Variants in MITF observed in about 807,000 individuals in gnomAD.
MITF encodes the protein melanocyte inducing transcription factor, also known as microphthalmia-associated transcription factor.
In MITF, 17 loss-of-function variants were observed where a neutral mutation model predicts 60.5. That is an observed-to-expected ratio of 0.28 (90% CI 0.19 to 0.42). The LOEUF is 0.42. Ranked by LOEUF, MITF falls within the 10% of genes least tolerant of loss-of-function variation. The pLI is 1.00. For missense variants in MITF, 622 were observed against 683.5 expected (o/e 0.91, Z 1.00); for synonymous variants, 260 against 248.5 (o/e 1.05, Z -0.43).
intron 1 of MITF, among the ~76,000 whole-genome samples, chr3:69,791,499 A>T (rs1334490487): frequency 6.6e-6 from 1 of 152,192 alleles, no homozygotes; most frequent in Non-Finnish European, 1.5e-5. Flanking sequence ...GCAATTCTTT[A>T]TGTGCAAGTT....
At chr3:69,860,162 A>G (rs896676238) in intron 1 of MITF, among the ~76,000 whole-genome samples, 4 of 152,236 alleles carry the variant, frequency 2.6e-5, no homozygotes, top group Admixed American at 6.5e-5. Context: ...AAGCCTCTAC[A>G]TAACCTTTAA....
rs548660595 is a variant in MITF, at chr3:69,780,384, C to T, written c.104+40683C>T. Among the ~76,000 whole-genome samples the T allele has an allele frequency of 2.0e-5, 3 of 152,244 alleles. No individual in the cohort carries two copies. In the South Asian group the frequency reaches 6.2e-4, roughly 32 times the overall value. ...TATAAAATTACAAAGAAGATGCATG[C>T]CAATGAGCAGTCATCTGTGAGCTAG... On this transcript the variant is annotated intron_variant, in intron 1 of 9. Coordinates refer to ENST00000352241, the MANE Select transcript of MITF (RefSeq NM_001354604.2).
chr3:69,749,931 T>C (rs1703865929), intron 1 of MITF, among the ~76,000 whole-genome samples: 1 of 152,186 alleles, frequency 6.6e-6, no homozygotes, highest in African/African-American at 2.4e-5. Flanking sequence ...TGGAAGGTAA[T>C]TCTAACAATA....
chr3:69,819,589 A>T (rs955898552), intron 1 of MITF, among the ~76,000 whole-genome samples: 14 of 151,930 alleles, frequency 9.2e-5, no homozygotes, highest in African/African-American at 2.9e-4. Context: ...TTGCAACTAG[A>T]ACTTTCTGGG....
At chr3:69,931,709 T>C (rs1452153608) in intron 2 of MITF, among the ~76,000 whole-genome samples, 1 of 152,200 alleles carries the variant, frequency 6.6e-6, no homozygotes, top group Non-Finnish European at 1.5e-5. Context: ...TATAAATGTA[T>C]ATATATTTAT....
intron 1 of MITF, among the ~76,000 whole-genome samples, chr3:69,859,135 C>A (rs758728159): frequency 6.6e-6 from 1 of 152,140 alleles, no homozygotes; most frequent in Non-Finnish European, 1.5e-5. Context: ...ACCACACTAT[C>A]CTGTCTCCAG....
intron 2 of MITF, among the ~76,000 whole-genome samples, chr3:69,907,123 C>A (rs998905050): frequency 6.6e-6 from 1 of 152,144 alleles, no homozygotes; most frequent in Non-Finnish European, 1.5e-5. Flanking sequence ...CCCTTTCCCT[C>A]CATAATCTTG....
At position 69,885,377 on chromosome 3, in the gene MITF, C is replaced by T. The variant is rs185726386; in HGVS notation, c.354+5994C>T. Among the ~76,000 whole-genome samples, 5 of 152,082 alleles carry T rather than the reference C, an allele frequency of 3.3e-5. No individual in the cohort carries two copies. In the East Asian group the frequency reaches 9.7e-4, roughly 30 times the overall value. On this transcript the variant is annotated intron_variant, in intron 2 of 9. Transcript: ENST00000352241. The stretch of plus-strand genomic sequence containing the variant: ...CACAGTTCTCATAATTCCATACTGC[C>T]AGAGGTGAAGGCAGTATCATAAGGA...
At chr3:69,809,648 G>A (rs2063069538) in intron 1 of MITF, among the ~76,000 whole-genome samples, 1 of 146,242 alleles carries the variant, frequency 6.8e-6, no homozygotes. Flanking sequence ...TTTTTTGGCA[G>A]AAGACTTGCT....
intron 1 of MITF, among the ~76,000 whole-genome samples, chr3:69,831,893 G>C (rs1315674521): frequency 6.6e-6 from 1 of 152,164 alleles, no homozygotes; most frequent in Non-Finnish European, 1.5e-5. Context: ...ACCAGTGGTG[G>C]AACGGTGCCC....
intron 1 of MITF, among the ~76,000 whole-genome samples, chr3:69,803,620 A>AT (rs2062957433): frequency 6.6e-6 from 1 of 152,208 alleles, no homozygotes; most frequent in Non-Finnish European, 1.5e-5. Context: ...AGTAAATCTA[A>AT]TTTTTTAAAA....
chr3:69,950,008 G>T (rs1311091785), intron 6 of MITF, among the ~76,000 whole-genome samples: 2 of 152,028 alleles, frequency 1.3e-5, no homozygotes, highest in Non-Finnish European at 2.9e-5. Flanking sequence ...GCAGGAGAAA[G>T]ATGTTTTTTA....
chr3:69,858,121 T>C (rs1390791563), intron 1 of MITF, among the ~76,000 whole-genome samples: 2 of 152,120 alleles, frequency 1.3e-5, no homozygotes, highest in African/African-American at 2.4e-5. Flanking sequence ...TTCATGGTAA[T>C]ATTCATTGGA....
chr3:69,800,426 G>C (rs2062900728), intron 1 of MITF, among the ~76,000 whole-genome samples: 1 of 152,168 alleles, frequency 6.6e-6, no homozygotes, highest in African/African-American at 2.4e-5. Flanking sequence ...GTGAACATAT[G>C]TTTTCAGTTC....
rs144336708 is a variant in MITF, at chr3:69,967,123, G to A, written c.*1875G>A. On this transcript the variant is annotated 3_prime_UTR_variant, in exon 10 of 10. Coordinates refer to ENST00000352241, the MANE Select transcript of MITF (RefSeq NM_001354604.2). Reference sequence around the variant, plus strand: ...ATGGAGGGTTCAGAGAGGAGTGATCGTCAGATGTGTGAATGGACGGTTTAG... The same window carrying A: ...ATGGAGGGTTCAGAGAGGAGTGATCATCAGATGTGTGAATGGACGGTTTAG... 747 of 232,582 alleles carry A rather than the reference G, an allele frequency of 3.2e-3. 3 individuals carry two copies. Among genetic ancestry groups the A allele is most frequent in the African/African-American group, 0.014 (645 of 45,384 alleles). 14.4% of individuals were successfully genotyped at this position (232,582 alleles called of 1,614,324 possible).
At chr3:69,884,982 T>C (rs1170651548) in intron 2 of MITF, among the ~76,000 whole-genome samples, 1 of 152,152 alleles carries the variant, frequency 6.6e-6, no homozygotes, top group African/African-American at 2.4e-5. Flanking sequence ...ACATGTTCAT[T>C]GGGCAATATT....
At chr3:69,923,264 A>C (rs1277352527) in intron 2 of MITF, among the ~76,000 whole-genome samples, 2 of 152,200 alleles carry the variant, frequency 1.3e-5, no homozygotes, top group African/African-American at 2.4e-5. Context: ...GCTACTTCGT[A>C]GGATTGTAAT....
intron 1 of MITF, among the ~76,000 whole-genome samples, chr3:69,844,672 A>G (rs2063698816): frequency 6.6e-6 from 1 of 152,248 alleles, no homozygotes; most frequent in South Asian, 2.1e-4. Context: ...AACTATCATA[A>G]GAGTGAACAG....
At chr3:69,762,694 G>A (rs983503975) in intron 1 of MITF, 1 of 219,104 alleles carries the variant, frequency 4.6e-6, no homozygotes, top group East Asian at 6.7e-5. Flanking sequence ...TGAAACCATG[G>A]GCCTCCTGCC....
Sources: allele counts gnomAD v4.1 joint callset (sites outside exome capture counted in the v4.1 genomes callset), GRCh38; gene constraint gnomAD v4.1.1; transcripts MANE v1.5; gene names NCBI Gene and HGNC (gene_info 2026-07-23, HGNC 2026-07-21).